Variants in SRBD1 observed in about 807,000 individuals in gnomAD.
SRBD1 encodes the protein S1 RNA-binding domain-containing protein 1.
Under a neutral mutation model 115.3 loss-of-function variants are expected in SRBD1, and 88 were observed. The ratio of observed to expected loss-of-function variants is 0.76; its 90% confidence interval spans 0.64 to 0.91. SRBD1 has a LOEUF of 0.91. Among genes scored for constraint, SRBD1 ranks in the 40% least tolerant of loss-of-function variants. The pLI is 0.00. For missense variants in SRBD1, 1,385 were observed against 1,177.4 expected (o/e 1.18, Z -2.58); for synonymous variants, 509 against 407.7 (o/e 1.25, Z -2.99).
chr2:45,414,663 CAT>C lies in SRBD1; in HGVS notation c.2334-1372_2334-1371del, dbSNP rs751665308. Among the ~76,000 whole-genome samples, 40 of 149,904 alleles carry C rather than the reference CAT, an allele frequency of 2.7e-4. No homozygotes were observed. The East Asian group carries it at 2.8e-3, about 10-fold the overall frequency. ...TGTGTATATAGTATGCACATACACA[CAT>C]AGTGTATATAGTATGTATATACACA... On this transcript the variant is annotated intron_variant, in intron 18 of 20. Coordinates refer to ENST00000263736, the MANE Select transcript of SRBD1 (RefSeq NM_018079.5).
At chr2:45,532,927 C>G (rs1671656786) in intron 14 of SRBD1, among the ~76,000 whole-genome samples, 1 of 152,034 alleles carries the variant, frequency 6.6e-6, no homozygotes, top group Non-Finnish European at 1.5e-5. Context: ...AGGATCTCAA[C>G]AAAGGATTTC....
At chr2:45,435,275 A>T (rs1277081857) in intron 16 of SRBD1, among the ~76,000 whole-genome samples, 1 of 152,056 alleles carries the variant, frequency 6.6e-6, no homozygotes, top group Non-Finnish European at 1.5e-5. Flanking sequence ...AGGGAGAGGG[A>T]AACTACATAG....
intron 14 of SRBD1, among the ~76,000 whole-genome samples, chr2:45,540,515 AT>A (rs1186367891): frequency 6.6e-6 from 1 of 152,104 alleles, no homozygotes; most frequent in Non-Finnish European, 1.5e-5. Context: ...ATACCAAAAA[AT>A]TGATAAATTG....
At chr2:45,548,647 A>T (rs1429845529) in intron 12 of SRBD1, among the ~76,000 whole-genome samples, 10 of 152,016 alleles carry the variant, frequency 6.6e-5, no homozygotes, top group Non-Finnish European at 7.4e-5. Flanking sequence ...ACATTTTAAA[A>T]AATTCTAGTA....
intron 14 of SRBD1, among the ~76,000 whole-genome samples, chr2:45,522,074 G>A (rs1257804138): frequency 6.6e-6 from 1 of 151,950 alleles, no homozygotes; most frequent in Non-Finnish European, 1.5e-5. Flanking sequence ...ACAATAGCCA[G>A]TAGGTGAAAA....
intron 14 of SRBD1, among the ~76,000 whole-genome samples, chr2:45,524,428 C>T (rs1259702647): frequency 6.6e-6 from 1 of 151,860 alleles, no homozygotes; most frequent in Non-Finnish European, 1.5e-5. Context: ...AAACTGTTAG[C>T]ACTAATAAAC....
At chr2:45,495,585 C>T (rs1291701524) in intron 14 of SRBD1, among the ~76,000 whole-genome samples, 1 of 151,706 alleles carries the variant, frequency 6.6e-6, no homozygotes, top group Non-Finnish European at 1.5e-5. Flanking sequence ...GTTGCCATAC[C>T]ATAAAGTATT....
intron 19 of SRBD1, among the ~76,000 whole-genome samples, chr2:45,397,707 G>A (rs1237192300): frequency 6.6e-6 from 1 of 152,184 alleles, no homozygotes; most frequent in African/African-American, 2.4e-5. Context: ...AGGCTGAAGC[G>A]ATCCTCCTCC....
chr2:45,454,216 C>G (rs1419365163), intron 16 of SRBD1, among the ~76,000 whole-genome samples: 1 of 151,764 alleles, frequency 6.6e-6, no homozygotes. Context: ...AAAATGTAAT[C>G]CAATTTACCC....
At chr2:45,490,345 C>A (rs190606401) in intron 14 of SRBD1, among the ~76,000 whole-genome samples, 3 of 152,116 alleles carry the variant, frequency 2.0e-5, no homozygotes, top group Non-Finnish European at 4.4e-5. Context: ...AAATTTTCCC[C>A]CAAGGAAAGC....
intron 15 of SRBD1, among the ~76,000 whole-genome samples, chr2:45,487,726 C>G (rs1418842962): frequency 6.6e-6 from 1 of 152,130 alleles, no homozygotes; most frequent in Non-Finnish European, 1.5e-5. Context: ...ACAATCTTGG[C>G]TCACTAGAAC....
chr2:45,590,315 G>A (rs181093952), intron 4 of SRBD1, among the ~76,000 whole-genome samples: 1 of 152,300 alleles, frequency 6.6e-6, no homozygotes, highest in Admixed American at 6.5e-5. Flanking sequence ...TTGAAACGAA[G>A]ACAATAACAG....
At chr2:45,398,738 A>G (rs566794382) in intron 19 of SRBD1, among the ~76,000 whole-genome samples, 1 of 117,746 alleles carries the variant, frequency 8.5e-6, no homozygotes, top group Admixed American at 9.0e-5. Context: ...ATAGTTGAAC[A>G]GTGCTCATAT....
intron 14 of SRBD1, among the ~76,000 whole-genome samples, chr2:45,498,053 T>C (rs1028887514): frequency 6.6e-6 from 1 of 152,222 alleles, no homozygotes; most frequent in Non-Finnish European, 1.5e-5. Context: ...AGTTTGTTCA[T>C]ATCCTTGACA....
At position 45,435,235 on chromosome 2, in the gene SRBD1, A is replaced by T. The variant is rs935198882; in HGVS notation, c.2050-15341T>A. 2.6e-5 allele frequency among the ~76,000 whole-genome samples: 4 copies of T among 152,256 alleles called. No individual in the cohort carries two copies. In the East Asian group the frequency reaches 7.7e-4, roughly 29 times the overall value. ...TGTGAATAGTGAATATATGGCAACCAATTTTAGACAGCTGCAGGACTATGA... is the reference window on the plus strand; with the variant it reads ...TGTGAATAGTGAATATATGGCAACCTATTTTAGACAGCTGCAGGACTATGA... On this transcript the variant is annotated intron_variant, in intron 16 of 20. Transcript: ENST00000263736.
intron 16 of SRBD1, among the ~76,000 whole-genome samples, chr2:45,429,837 G>C (rs1668277282): frequency 6.6e-6 from 1 of 152,214 alleles, no homozygotes; most frequent in South Asian, 2.1e-4. Flanking sequence ...AATAGGAAGA[G>C]AGGAAATCAA....
At chr2:45,445,591 ATTAGTG>A (rs1668799641) in intron 16 of SRBD1, among the ~76,000 whole-genome samples, 1 of 149,564 alleles carries the variant, frequency 6.7e-6, no homozygotes, top group South Asian at 2.1e-4. Context: ...TAGAAAAGGA[ATTAGTG>A]TTAGTCAAGC....
intron 6 of SRBD1, among the ~76,000 whole-genome samples, chr2:45,580,796 C>T (rs56053665): frequency 0.22 from 32,503 of 149,966 alleles, 6,390 homozygotes; most frequent in African/African-American, 0.53. Flanking sequence ...AGCAATTCTC[C>T]GCCTCAGCCA....
At chr2:45,456,596 G>A (rs183051335) in intron 16 of SRBD1, among the ~76,000 whole-genome samples, 15 of 151,854 alleles carry the variant, frequency 9.9e-5, no homozygotes, top group East Asian at 3.9e-4. Flanking sequence ...TATAATTTTC[G>A]AGTCATCACC....
Sources: gnomAD v4.1 joint callset for allele counts (sites outside exome capture counted in the v4.1 genomes callset) on GRCh38, gnomAD v4.1.1 for gene constraint, MANE v1.5 for transcripts, NCBI Gene and HGNC (gene_info 2026-07-23, HGNC 2026-07-21) for gene names.